RASGRP1: variants seen among roughly 807,000 people sequenced by gnomAD.
RASGRP1 encodes RAS guanyl-releasing protein 1.
RASGRP1 carries 37 observed loss-of-function variants against 95.1 expected under a neutral mutation model. The ratio of observed to expected loss-of-function variants is 0.39; its 90% CI spans 0.30 to 0.51. RASGRP1 has a LOEUF of 0.51. Ranked by LOEUF, RASGRP1 falls within the 20% of genes least tolerant of loss-of-function variation. The pLI is 0.80. For synonymous variants in RASGRP1, 325 were observed against 353.4 expected (o/e 0.92, Z 0.90); for missense variants, 711 against 965.4 (o/e 0.74, Z 3.49).
intron 9 of RASGRP1, among the ~76,000 whole-genome samples, chr15:38,507,362 T>G (rs1891302558): frequency 6.6e-6 from 1 of 152,218 alleles, no homozygotes; most frequent in Non-Finnish European, 1.5e-5. Flanking sequence ...GCCCTTTTTA[T>G]GAGAGCACAT....
At chr15:38,511,466 T>C in intron 8 of RASGRP1, 138 bp downstream of exon 8, 1 of 636,148 alleles carries the variant, frequency 1.6e-6, no homozygotes, top group South Asian at 1.9e-5. Flanking sequence ...TCCTTAAGGT[T>C]TGCCTCCCTG....
intron 3 of RASGRP1, among the ~76,000 whole-genome samples, chr15:38,523,892 A>G (rs1318368660): frequency 6.6e-6 from 1 of 152,212 alleles, no homozygotes; most frequent in Non-Finnish European, 1.5e-5. Flanking sequence ...GGTTTGTGTA[A>G]GTACACTCTA....
chr15:38,561,566 G>A (rs1467973711), intron 1 of RASGRP1, among the ~76,000 whole-genome samples: 1 of 152,196 alleles, frequency 6.6e-6, no homozygotes, highest in Non-Finnish European at 1.5e-5. Flanking sequence ...GTGGGTTTTG[G>A]GAAACCAGCC....
chr15:38,549,422 G>T (rs1011094082), intron 2 of RASGRP1, among the ~76,000 whole-genome samples: 2 of 152,122 alleles, frequency 1.3e-5, no homozygotes, highest in African/African-American at 4.8e-5. Context: ...GAATATTGTG[G>T]GTTCCCCCTT....
At chr15:38,524,994 G>A (rs1206095010) in intron 3 of RASGRP1, among the ~76,000 whole-genome samples, 1 of 148,640 alleles carries the variant, frequency 6.7e-6, no homozygotes, top group Non-Finnish European at 1.5e-5. Flanking sequence ...TTGAGACAGA[G>A]TCTCACTTCA....
At chr15:38,514,240 T>C (rs1891666192) in intron 6 of RASGRP1, among the ~76,000 whole-genome samples, 1 of 152,156 alleles carries the variant, frequency 6.6e-6, no homozygotes, top group African/African-American at 2.4e-5. Flanking sequence ...TTTACTGTGC[T>C]ATATGGCTGC....
At chr15:38,510,611 T>G (rs750628424) in intron 8 of RASGRP1, among the ~76,000 whole-genome samples, 47 of 152,238 alleles carry the variant, frequency 3.1e-4, no homozygotes, top group Non-Finnish European at 6.3e-4. Context: ...GCAGTCATTA[T>G]CTAACCCATG....
At chr15:38,557,037 A>G (rs1893585733) in intron 2 of RASGRP1, among the ~76,000 whole-genome samples, 1 of 152,212 alleles carries the variant, frequency 6.6e-6, no homozygotes, top group Admixed American at 6.5e-5. Flanking sequence ...AGCTAGCTAG[A>G]CTGCTTTAAT....
intron 15 of RASGRP1, among the ~76,000 whole-genome samples, chr15:38,496,152 A>AT (rs1173730174): frequency 6.6e-6 from 1 of 152,204 alleles, no homozygotes; most frequent in East Asian, 1.9e-4. Flanking sequence ...GGAAATTTTG[A>AT]TTTGATAAGC....
intron 2 of RASGRP1, among the ~76,000 whole-genome samples, chr15:38,557,322 G>A (rs1052699864): frequency 1.3e-5 from 2 of 152,176 alleles, no homozygotes; most frequent in Admixed American, 1.3e-4. Context: ...AAAGGTGCTG[G>A]CTTCTGTTCC....
chr15:38,509,684 C>T lies in RASGRP1; in HGVS notation c.967-1683G>A, dbSNP rs150114417. 1.7e-3 allele frequency among the ~76,000 whole-genome samples: 265 copies of T among 152,272 alleles called. 2 individuals carry two copies. The highest frequency in any genetic ancestry group is 5.8e-3 in the African/African-American group (242 of 41,556). ...GAGATTCCAGTGAGCTGAGACTGAG[C>T]CACTGCACTCCAGCCTGGGTGACAG... On this transcript the variant is annotated intron_variant, in intron 8 of 16. Transcript: ENST00000310803.
chr15:38,553,544 C>T (rs530921091), intron 2 of RASGRP1, among the ~76,000 whole-genome samples: 30 of 152,198 alleles, frequency 2.0e-4, no homozygotes, highest in South Asian at 1.0e-3. Flanking sequence ...CCCATGGGGA[C>T]GGGCATAAGT....
In RASGRP1 at chr15:38,535,369, G is replaced by T. The variant is rs74829021; in HGVS notation, c.221-8965C>A. Among the ~76,000 whole-genome samples the T allele has an allele frequency of 3.0e-3, 460 of 152,172 alleles. 4 individuals carry two copies. The highest frequency in any genetic ancestry group is 0.011 in the African/African-American group (443 of 41,530). On this transcript the variant is annotated intron_variant, in intron 2 of 16. Transcript: ENST00000310803. ...TCTATTCTTTCTTCCTCCCCAGGAAGCCCTACACCCCCAACAGACCCACCC... is the reference window on the plus strand; with the variant it reads ...TCTATTCTTTCTTCCTCCCCAGGAATCCCTACACCCCCAACAGACCCACCC...
intron 2 of RASGRP1, among the ~76,000 whole-genome samples, chr15:38,542,947 A>G (rs1892963476): frequency 4.9e-5 from 7 of 143,710 alleles, no homozygotes; most frequent in African/African-American, 1.8e-4. Context: ...GTATATATAT[A>G]TATACACACA....
rs1891780199 is a variant in RASGRP1 at position 38,516,256 on chromosome 15, G to A, written c.616C>T (p.Pro206Ser). The A allele has an allele frequency of 6.2e-7, 1 of 1,601,222 alleles. No homozygotes were observed. Among genetic ancestry groups the A allele is most frequent in the Non-Finnish European group, 8.6e-7 (1 of 1,168,366 alleles). ...GTGAGGTGCTCGGATAGCTCTTCTG[G>A]TTCCAGATGGTCAAAGAGCAGGGAG... is the stretch of plus-strand genomic sequence containing the variant. ...KVSLLFDHLE[P>S]EELSEHLTYL... The change falls in exon 6 of 17, where the codon CCA becomes TCA. Residue 206 changes from proline to serine, a missense_variant. This residue lies in a region of RASGRP1 where 491 missense variants were observed against 676.6 expected (regional missense o/e 0.73). Coordinates refer to ENST00000310803, the MANE Select transcript of RASGRP1 (RefSeq NM_005739.4).
chr15:38,558,394 T>C (rs1893660324), intron 2 of RASGRP1, among the ~76,000 whole-genome samples: 2 of 152,222 alleles, frequency 1.3e-5, no homozygotes, highest in Non-Finnish European at 2.9e-5. Context: ...GATTGAAGTA[T>C]AAAATAAAGA....
rs950135585 is a variant in RASGRP1 at position 38,560,472 on chromosome 15, G to A, written c.36-467C>T. The stretch of plus-strand genomic sequence containing the variant: ...CAAGGCGGGTGTATCACCTGAGGTC[G>A]GGAGTTCGAGATCATCTTTGGCTAA... On this transcript the variant is annotated intron_variant, in intron 1 of 16. Coordinates refer to ENST00000310803, the MANE Select transcript of RASGRP1 (RefSeq NM_005739.4). Among the ~76,000 whole-genome samples, 8 of 152,236 alleles carry A rather than the reference G, an allele frequency of 5.3e-5. No homozygotes were observed. In the East Asian group the frequency reaches 5.8e-4, roughly 11 times the overall value.
chr15:38,536,402 T>C (rs1047431217), intron 2 of RASGRP1, among the ~76,000 whole-genome samples: 1 of 152,228 alleles, frequency 6.6e-6, no homozygotes, highest in Non-Finnish European at 1.5e-5. Flanking sequence ...AAAATCTGGG[T>C]CAGGCTCTTA....
In RASGRP1 at chr15:38,559,893, T is replaced by C. The variant is rs1373844622; in HGVS notation, c.148A>G (p.Met50Val). The change falls in exon 2 of 17, where the codon ATG becomes GTG. Residue 50 changes from methionine (M) to valine (V), a missense_variant. This residue lies in a region of RASGRP1 where 491 missense variants were observed against 676.6 expected (regional missense o/e 0.73). Coordinates refer to ENST00000310803, the MANE Select transcript of RASGRP1 (RefSeq NM_005739.4). ...SLAHITQFRM[M>V]VSLGHLAKGA... is the part of the protein sequence containing the mutation. ...TTGGCTAAATGTCCCAGAGACACCA[T>C]CATTCGGAACTGGGTGATGTGGGCC... The C allele has an allele frequency of 2.5e-6, 4 of 1,613,806 alleles. No individual in the cohort carries two copies. The East Asian group carries it at 6.7e-5, about 27-fold the overall frequency.
Sources: allele counts gnomAD v4.1 joint callset (sites outside exome capture counted in the v4.1 genomes callset), GRCh38; gene constraint gnomAD v4.1.1; regional missense constraint gnomAD v4.1.1; transcripts MANE v1.5; gene names NCBI Gene and HGNC (gene_info 2026-07-23, HGNC 2026-07-21).